Variants in AP2M1 observed in about 807,000 individuals in gnomAD.
AP2M1 encodes adaptor related protein complex 2 subunit mu 1.
A neutral mutation model predicts 54.5 loss-of-function variants in AP2M1; 5 were observed. The observed-to-expected ratio is 0.09, with a 90% CI of 0.05 to 0.19. AP2M1 has a LOEUF of 0.19. AP2M1 is among the 10% of genes least tolerant of loss of function. AP2M1 has a pLI of 1.00. For synonymous variants in AP2M1, 186 were observed against 208.2 expected (o/e 0.89, Z 0.92); for missense variants, 178 against 580.2 (o/e 0.31, Z 7.12).
In AP2M1 at chr3:184,180,116, G is replaced by A; in HGVS notation, c.341-53G>A. The A allele has an allele frequency of 1.3e-6, 2 of 1,579,152 alleles. No individual in the cohort carries two copies. Among genetic ancestry groups the A allele is most frequent in the Non-Finnish European group, 1.7e-6 (2 of 1,149,566 alleles). The stretch of plus-strand genomic sequence containing the variant: ...GGTCAGATGTGTAGGCCCAAGTAGG[G>A]GCTGGAATGAAGAAGCTCTGTCCAG... On this transcript the variant is annotated intron_variant, in intron 3 of 11. Transcript: ENST00000292807. The surrounding 1 kb of genome is among the most constrained non-coding windows in gnomAD (Gnocchi z 4.9).
In AP2M1 at chr3:184,178,469, A is replaced by G. The variant is rs568934064; in HGVS notation, c.75-388A>G. ...GGTGGGATCACTAGCGGGAGGACTG[A>G]AGAAGCAGTGTCTCTTTCTGTCCTG... On this transcript the variant is annotated intron_variant, in intron 2 of 11. Coordinates refer to ENST00000292807, the MANE Select transcript of AP2M1 (RefSeq NM_004068.4). This position sits in a 1 kb window ranked among gnomAD's most constrained non-coding sequence, Gnocchi z 4.9. Among the ~76,000 whole-genome samples the G allele has an allele frequency of 6.6e-6, 1 of 152,240 alleles. No individual in the cohort carries two copies. The highest frequency in any genetic ancestry group is 1.5e-5 in the Non-Finnish European group (1 of 68,044).
In AP2M1 at chr3:184,182,347, G is replaced by C; in HGVS notation, c.1061+99G>C. ...TTCTGAATGAGGGGCAGGGGAGTGT[G>C]CCTGTTTGCTTTTCTAGGAGCCTCT... is the stretch of plus-strand genomic sequence containing the variant. On this transcript the variant is annotated intron_variant, in intron 10 of 11. Coordinates refer to ENST00000292807, the MANE Select transcript of AP2M1 (RefSeq NM_004068.4). The surrounding 1 kb of genome is among the most constrained non-coding windows in gnomAD (Gnocchi z 5.5). 7.5e-7 allele frequency: 1 copy of C among 1,326,496 alleles called. No individual in the cohort carries two copies. The highest frequency in any genetic ancestry group is 1.0e-6 in the Non-Finnish European group (1 of 972,016). The allele number at this position is 1,326,496 out of a possible 1,614,324, so 82.2% of individuals were successfully genotyped here.
Position 184,182,888 on chromosome 3 carries a change from T to G in AP2M1, c.1173+20T>G. ...TTTGAGGTATGGCAGAGGAGGGGCC[T>G]AGAGTCATGCCAGGGTATGCTGGAA... is the stretch of plus-strand genomic sequence containing the variant. On this transcript the variant is annotated intron_variant, in intron 11 of 11. Coordinates refer to ENST00000292807, the MANE Select transcript of AP2M1 (RefSeq NM_004068.4). The surrounding 1 kb of genome is among the most constrained non-coding windows in gnomAD (Gnocchi z 5.5). 6.3e-7 allele frequency: 1 copy of G among 1,597,758 alleles called. No individual in the cohort carries two copies. The highest frequency in any genetic ancestry group is 8.6e-7 in the Non-Finnish European group (1 of 1,165,838).
rs966758137 is a variant in AP2M1, at chr3:184,181,569, C to T, written c.708-127C>T. The T allele has an allele frequency of 6.8e-5, 90 of 1,329,044 alleles. No homozygotes were observed. The highest frequency in any genetic ancestry group is 2.8e-4 in the South Asian group (21 of 75,494). The allele number at this position is 1,329,044 out of a possible 1,614,324, so 82.3% of individuals were successfully genotyped here. A position where few individuals can be genotyped will look rare whatever the true frequency, so the allele number is the denominator to read the frequency against. On this transcript the variant is annotated intron_variant, in intron 7 of 11. Transcript: ENST00000292807. This position sits in a 1 kb window ranked among gnomAD's most constrained non-coding sequence, Gnocchi z 5.7. Reference sequence around the variant, plus strand: ...CATCCCAAGCTCTGGGGCAGACCTCCGAGTCACAAAGCTGCATTCTAGCAG... The same window carrying T: ...CATCCCAAGCTCTGGGGCAGACCTCTGAGTCACAAAGCTGCATTCTAGCAG...
chr3:184,177,318 C>T (rs1184868786), intron 2 of AP2M1, among the ~76,000 whole-genome samples: 1 of 152,254 alleles, frequency 6.6e-6, no homozygotes, highest in African/African-American at 2.4e-5. Context: ...CCTTCCCTTC[C>T]TGCATCCTGT....
At position 184,183,434 on chromosome 3, in the gene AP2M1, G is replaced by GC. The variant is rs1448605129; in HGVS notation, c.1174-47dup. On this transcript the variant is annotated intron_variant, in intron 11 of 11. Coordinates refer to ENST00000292807, the MANE Select transcript of AP2M1 (RefSeq NM_004068.4). This position sits in a 1 kb window ranked among gnomAD's most constrained non-coding sequence, Gnocchi z 5.7. ...GGGCAACGGGACTTCCCAGAGGAGA[G>GC]CGGCTGTAAGAGGAAGGCCACATTT... 2.0e-5 allele frequency: 32 copies of GC among 1,611,772 alleles called. No individual in the cohort carries two copies. Among genetic ancestry groups the GC allele is most frequent in the Non-Finnish European group, 2.5e-5 (30 of 1,178,866 alleles).
At chr3:184,177,176 C>A in intron 2 of AP2M1, 109 bp downstream of exon 2, 1 of 1,073,338 alleles carries the variant, frequency 9.3e-7, no homozygotes, top group Non-Finnish European at 1.3e-6. Context: ...CACCCTGACC[C>A]CTGGCTGCAC....
At chr3:184,176,869 G>A (rs1322424779) in intron 1 of AP2M1, 82 bp from the exon 2 acceptor site, 2 of 951,932 alleles carry the variant, frequency 2.1e-6, no homozygotes, top group Non-Finnish European at 3.0e-6. Flanking sequence ...CAGGAAAGAA[G>A]CTCCAGTGAC....
rs1715283136 is a variant in AP2M1 at position 184,181,847 on chromosome 3, C to T, written c.827+32C>T. The T allele has an allele frequency of 6.2e-7, 1 of 1,614,036 alleles. No homozygotes were observed. Among genetic ancestry groups the T allele is most frequent in the African/African-American group, 1.3e-5 (1 of 74,942 alleles). ...TTGGGGTGTGAGGAGGCAGCTAGTG[C>T]TGCTGGCAGACTGGGGAGAGGAAGT... is the stretch of plus-strand genomic sequence containing the variant. On this transcript the variant is annotated intron_variant, in intron 8 of 11. Coordinates refer to ENST00000292807, the MANE Select transcript of AP2M1 (RefSeq NM_004068.4). The surrounding 1 kb of genome is among the most constrained non-coding windows in gnomAD (Gnocchi z 5.7).
chr3:184,183,071 C>A lies in AP2M1; in HGVS notation c.1173+203C>A. On this transcript the variant is annotated intron_variant, in intron 11 of 11. Coordinates refer to ENST00000292807, the MANE Select transcript of AP2M1 (RefSeq NM_004068.4). The surrounding 1 kb of genome is among the most constrained non-coding windows in gnomAD (Gnocchi z 5.7). ...GTGATGAGGCAAATCTTTTACTTCT[C>A]TCGGCTTGTCCTAACACAGTTCTTT... The A allele has an allele frequency of 1.6e-6, 1 of 636,812 alleles. No individual in the cohort carries two copies. Among genetic ancestry groups the A allele is most frequent in the Non-Finnish European group, 2.8e-6 (1 of 351,280 alleles). 39.4% of individuals were successfully genotyped at this position (636,812 alleles called of 1,614,324 possible).
At position 184,183,154 on chromosome 3, in the gene AP2M1, A is replaced by T; in HGVS notation, c.1173+286A>T. The T allele has an allele frequency of 1.8e-6, 1 of 558,592 alleles. No homozygotes were observed. The highest frequency in any genetic ancestry group is 3.2e-6 in the Non-Finnish European group (1 of 312,234). 34.6% of individuals were successfully genotyped at this position (558,592 alleles called of 1,614,324 possible). On this transcript the variant is annotated intron_variant, in intron 11 of 11. Coordinates refer to ENST00000292807, the MANE Select transcript of AP2M1 (RefSeq NM_004068.4). This position sits in a 1 kb window ranked among gnomAD's most constrained non-coding sequence, Gnocchi z 5.7. ...GACACAAAGTTTACTTACAGACAGG[A>T]TAATGGGCTGACTTTGCTTTGCGCA...
At position 184,183,771 on chromosome 3, in the gene AP2M1, A is replaced by C. The variant is rs748545110; in HGVS notation, c.*155A>C. 39 of 876,950 alleles carry C rather than the reference A, an allele frequency of 4.4e-5. No individual in the cohort carries two copies. The highest frequency in any genetic ancestry group is 6.5e-5 in the Non-Finnish European group (38 of 588,752). The allele number at this position is 876,950 out of a possible 1,614,324, so 54.3% of individuals were successfully genotyped here. On this transcript the variant is annotated 3_prime_UTR_variant, in exon 12 of 12. Transcript: ENST00000292807. This position sits in a 1 kb window ranked among gnomAD's most constrained non-coding sequence, Gnocchi z 5.7. ...TCTAGGTCTGGGCCAAGCACATTAC[A>C]AGTGGGACCGGTGGAGCAGCCCCTG...
chr3:184,175,566 G>C (rs1715043728), intron 1 of AP2M1, among the ~76,000 whole-genome samples: 1 of 152,124 alleles, frequency 6.6e-6, no homozygotes, highest in African/African-American at 2.4e-5. Flanking sequence ...CAGTTCCCCC[G>C]GCCGGTTTTT....
rs1210254656 is a variant in AP2M1, at chr3:184,177,075, C to G, written c.74+8C>G. 1 of 1,612,504 alleles carries G rather than the reference C, an allele frequency of 6.2e-7. No individual in the cohort carries two copies. Among genetic ancestry groups the G allele is most frequent in the Non-Finnish European group, 8.5e-7 (1 of 1,179,464 alleles). ...CTACCGAGATGACATCGGGTGAGTCCCCTGGCGGAGCCAGCTGTGCCCCAC... is the reference window on the plus strand; with the variant it reads ...CTACCGAGATGACATCGGGTGAGTCGCCTGGCGGAGCCAGCTGTGCCCCAC... On this transcript the variant is annotated splice_region_variant and intron_variant, in intron 2 of 11. Transcript: ENST00000292807.
chr3:184,181,301 T>A lies in AP2M1; in HGVS notation c.707+75T>A. 1 of 1,587,036 alleles carries A rather than the reference T, an allele frequency of 6.3e-7. No individual in the cohort carries two copies. The highest frequency in any genetic ancestry group is 1.1e-5 in the South Asian group (1 of 87,780). On this transcript the variant is annotated intron_variant, in intron 7 of 11. Transcript: ENST00000292807. This position sits in a 1 kb window ranked among gnomAD's most constrained non-coding sequence, Gnocchi z 5.7. ...AGTGGGGTCTAGTGAACCACAAGTT[T>A]CTTCTGGATTTCATTCCCACTGTAA...
rs1715170451 is a variant in AP2M1, at chr3:184,178,770, G to C, written c.75-87G>C. ...TGTGTCAGACTTCTGCAGAAAGGAG[G>C]GTGGGGCTGTTAGCAGCTGTGGTTG... is the stretch of plus-strand genomic sequence containing the variant. On this transcript the variant is annotated intron_variant, in intron 2 of 11. Transcript: ENST00000292807. This position sits in a 1 kb window ranked among gnomAD's most constrained non-coding sequence, Gnocchi z 4.9. 1 of 1,506,934 alleles carries C rather than the reference G, an allele frequency of 6.6e-7. No homozygotes were observed. The highest frequency in any genetic ancestry group is 1.4e-5 in the African/African-American group (1 of 72,888). The allele number at this position is 1,506,934 out of a possible 1,614,324, so 93.3% of individuals were successfully genotyped here. A position where few individuals can be genotyped will look rare whatever the true frequency, so the allele number is the denominator to read the frequency against.
At position 184,181,906 on chromosome 3, in the gene AP2M1, C is replaced by T; in HGVS notation, c.828-6C>T. 2.5e-6 allele frequency: 4 copies of T among 1,614,016 alleles called. No individual in the cohort carries two copies. The highest frequency in any genetic ancestry group is 1.7e-4 in the Middle Eastern group (1 of 6,056). On this transcript the variant is annotated splice_polypyrimidine_tract_variant and splice_region_variant and intron_variant, in intron 8 of 11. Transcript: ENST00000292807. The surrounding 1 kb of genome is among the most constrained non-coding windows in gnomAD (Gnocchi z 5.7). ...TCTTTGGTAACCTTGCTTCCCATCC[C>T]TTAAGGTATCGCACAACCAAGGACA... is the stretch of plus-strand genomic sequence containing the variant.
Position 184,179,136 on chromosome 3 carries a change from G to A in AP2M1, c.340+14G>A, listed in dbSNP as rs768041479. On this transcript the variant is annotated intron_variant, in intron 3 of 11. Transcript: ENST00000292807. Reference sequence around the variant, plus strand: ...AGCTGCTGGATGGTGAGGCTGGCGGGCTGGCACGGCAGCGGGCGTAGGGTG... The same window carrying A: ...AGCTGCTGGATGGTGAGGCTGGCGGACTGGCACGGCAGCGGGCGTAGGGTG... 1 of 1,609,570 alleles carries A rather than the reference G, an allele frequency of 6.2e-7. No individual in the cohort carries two copies. Among genetic ancestry groups the A allele is most frequent in the Non-Finnish European group, 8.5e-7 (1 of 1,176,270 alleles).
rs1233800680 is a variant in AP2M1, at chr3:184,178,031, C to T, written c.75-826C>T. On this transcript the variant is annotated intron_variant, in intron 2 of 11. Coordinates refer to ENST00000292807, the MANE Select transcript of AP2M1 (RefSeq NM_004068.4). This position sits in a 1 kb window ranked among gnomAD's most constrained non-coding sequence, Gnocchi z 4.9. ...CTACACCCCCCACCCCAGACCCCCTCCTGCCTTGGATGGACTGGGCAAGCC... is the reference window on the plus strand; with the variant it reads ...CTACACCCCCCACCCCAGACCCCCTTCTGCCTTGGATGGACTGGGCAAGCC... Among the ~76,000 whole-genome samples, 2 of 152,176 alleles carry T rather than the reference C, an allele frequency of 1.3e-5. No homozygotes were observed. The highest frequency in any genetic ancestry group is 2.4e-5 in the African/African-American group (1 of 41,446).
Sources: allele counts gnomAD v4.1 joint callset (sites outside exome capture counted in the v4.1 genomes callset), GRCh38; gene constraint gnomAD v4.1.1; non-coding constraint Gnocchi (gnomAD v3.1); transcripts MANE v1.5; gene names NCBI Gene and HGNC (gene_info 2026-07-23, HGNC 2026-07-21).